Variants in GAB2 observed in about 807,000 individuals in gnomAD.
GAB2 encodes GRB2 associated binding protein 2.
Under a neutral mutation model 65.5 loss-of-function variants are expected in GAB2, and 26 were observed. The ratio of observed to expected loss-of-function variants is 0.40; its 90% CI spans 0.29 to 0.55. GAB2 has a LOEUF of 0.55. GAB2 is among the 20% of genes least tolerant of loss of function. The probability of loss-of-function intolerance (pLI) is 0.53; values close to 1 mark genes in which losing one functional copy is unlikely to be tolerated. For synonymous variants in GAB2, 321 were observed against 329.6 expected, an observed-to-expected ratio of 0.97 and a Z score of 0.28; for missense variants, 884 against 875.8, an observed-to-expected ratio of 1.01 and a Z score of -0.12.
At chr11:78,403,543 A>C (rs766409381) in intron 1 of GAB2, among the ~76,000 whole-genome samples, 4 of 152,238 alleles carry the variant, frequency 2.6e-5, no homozygotes, top group Non-Finnish European at 4.4e-5. Flanking sequence ...TATGCAGAAG[A>C]ATGAAACTAG....
intron 1 of GAB2, among the ~76,000 whole-genome samples, chr11:78,389,553 C>T (rs186194747): frequency 3.9e-5 from 6 of 152,158 alleles, no homozygotes; most frequent in Non-Finnish European, 7.4e-5. Flanking sequence ...GGTGATCCAC[C>T]CACCTCGGCT....
chr11:78,349,405 G>C (rs922158084), intron 1 of GAB2, among the ~76,000 whole-genome samples: 7 of 152,134 alleles, frequency 4.6e-5, no homozygotes, highest in Non-Finnish European at 1.0e-4. Flanking sequence ...CTTTTGATGA[G>C]GTAGGCACTA....
At chr11:78,271,010 T>C (rs1311784797) in intron 2 of GAB2, among the ~76,000 whole-genome samples, 1 of 152,178 alleles carries the variant, frequency 6.6e-6, no homozygotes, top group Non-Finnish European at 1.5e-5. Flanking sequence ...GGCCCTAGAA[T>C]AGCTACTGAA....
chr11:78,227,187 T>G, intron 3 of GAB2, 136 bp from the exon 4 acceptor site: 1 of 644,890 alleles, frequency 1.6e-6, no homozygotes, highest in Non-Finnish European at 2.7e-6. Context: ...TTTTGAAGGT[T>G]GTTCAGACTC....
At chr11:78,239,680 A>G (rs367638979) in intron 3 of GAB2, among the ~76,000 whole-genome samples, 1 of 152,184 alleles carries the variant, frequency 6.6e-6, no homozygotes, top group African/African-American at 2.4e-5. Flanking sequence ...AGTTTGGAAC[A>G]AGGACGAAGT....
chr11:78,406,187 G>C (rs1157755676), intron 1 of GAB2, among the ~76,000 whole-genome samples: 1 of 152,192 alleles, frequency 6.6e-6, no homozygotes, highest in Admixed American at 6.5e-5. Context: ...ATTCACAGGA[G>C]TAATGAGGAC....
At chr11:78,305,209 A>T (rs183392853) in intron 1 of GAB2, among the ~76,000 whole-genome samples, 135 of 152,366 alleles carry the variant, frequency 8.9e-4, no homozygotes, top group Non-Finnish European at 1.5e-3. Context: ...AAATGGTAAT[A>T]TCTTACTAAA....
intron 1 of GAB2, among the ~76,000 whole-genome samples, chr11:78,409,312 C>T (rs544689671): frequency 2.5e-4 from 38 of 152,132 alleles, no homozygotes; most frequent in Non-Finnish European, 4.3e-4. Context: ...GGGCTGGGTG[C>T]GGTGGCTCAT....
intron 4 of GAB2, among the ~76,000 whole-genome samples, chr11:78,225,408 A>G (rs1864603913): frequency 6.6e-6 from 1 of 152,202 alleles, no homozygotes; most frequent in Non-Finnish European, 1.5e-5. Context: ...CAGTGTTAGC[A>G]TCTGCAGAGA....
intron 1 of GAB2, among the ~76,000 whole-genome samples, chr11:78,391,803 C>T (rs1049949371): frequency 6.6e-6 from 1 of 152,190 alleles, no homozygotes. Flanking sequence ...GAATTCCTGA[C>T]CCACACAATC....
intron 1 of GAB2, among the ~76,000 whole-genome samples, chr11:78,282,604 C>T (rs1050887918): frequency 9.9e-5 from 15 of 152,066 alleles, no homozygotes; most frequent in South Asian, 2.1e-4. Context: ...CCACTGTGTA[C>T]GCCCGGCACT....
chr11:78,298,746 A>G lies in GAB2; in HGVS notation c.76-17845T>C, dbSNP rs146055728. Among the ~76,000 whole-genome samples, 459 of 152,310 alleles carry G rather than the reference A, an allele frequency of 3.0e-3. 2 individuals are homozygous for G. The highest frequency in any genetic ancestry group is 5.0e-3 in the Non-Finnish European group (340 of 68,014). ...TTATATTTAAAGCACTGAATTAAGC[A>G]AAGGTTACCAGGGAAAACCAGGGCA... On this transcript the variant is annotated intron_variant, in intron 1 of 9. Transcript: ENST00000361507.
At chr11:78,310,367 G>T (rs2134642494) in intron 1 of GAB2, among the ~76,000 whole-genome samples, 1 of 148,886 alleles carries the variant, frequency 6.7e-6, no homozygotes, top group East Asian at 2.0e-4. Flanking sequence ...AAAAAAATTA[G>T]CCGGGCACGG....
chr11:78,398,645 T>A (rs1856932727), intron 1 of GAB2, among the ~76,000 whole-genome samples: 1 of 149,306 alleles, frequency 6.7e-6, no homozygotes, highest in Admixed American at 6.6e-5. Context: ...ATAAAAAAAA[T>A]AAAGTGATAA....
intron 1 of GAB2, among the ~76,000 whole-genome samples, chr11:78,370,149 T>G (rs1335680498): frequency 6.8e-6 from 1 of 147,564 alleles, no homozygotes; most frequent in African/African-American, 2.5e-5. Context: ...CCCAGCTACT[T>G]GGGAGGCTGA....
intron 1 of GAB2, among the ~76,000 whole-genome samples, chr11:78,282,974 A>T (rs1422120373): frequency 1.3e-5 from 2 of 152,190 alleles, no homozygotes; most frequent in Non-Finnish European, 2.9e-5. Flanking sequence ...ATGCTCTGCC[A>T]ACTCTACCTG....
At chr11:78,307,604 T>TAGAGAGAGAGAGAGAGAG (rs59402607) in intron 1 of GAB2, among the ~76,000 whole-genome samples, 3,554 of 121,590 alleles carry the variant, frequency 0.029, 120 homozygotes, top group Middle Eastern at 0.051. Flanking sequence ...CAAAAAATGT[T>TAGAGAGAGAGAGAGAGAG]AGAGAGAGAG....
At chr11:78,317,208 T>C (rs983956354) in intron 1 of GAB2, among the ~76,000 whole-genome samples, 1 of 152,144 alleles carries the variant, frequency 6.6e-6, no homozygotes, top group Non-Finnish European at 1.5e-5. Context: ...TGGAGATGGA[T>C]GGTGGTAATG....
intron 1 of GAB2, among the ~76,000 whole-genome samples, chr11:78,404,572 C>T (rs972414986): frequency 6.6e-6 from 1 of 152,190 alleles, no homozygotes; most frequent in Non-Finnish European, 1.5e-5. Context: ...GAATACTATT[C>T]GGCCATACAA....
Sources: allele counts gnomAD v4.1 joint callset (sites outside exome capture counted in the v4.1 genomes callset), GRCh38; gene constraint gnomAD v4.1.1; transcripts MANE v1.5; gene names NCBI Gene and HGNC (gene_info 2026-07-23, HGNC 2026-07-21).